Variants in PLCG2 observed in about 807,000 individuals in gnomAD.
The protein encoded by PLCG2 is phospholipase C gamma 2.
A neutral mutation model predicts 175.6 loss-of-function variants in PLCG2; 69 were observed. The observed-to-expected ratio is 0.39, with a 90% CI of 0.32 to 0.48. The LOEUF (loss-of-function observed/expected upper bound fraction) is 0.48, where lower values mean the gene tolerates loss of function less well. Among genes scored for constraint, PLCG2 ranks in the 20% least tolerant of loss-of-function variants. The pLI, the probability that PLCG2 is intolerant of heterozygous loss-of-function variation, is 0.91. For synonymous variants in PLCG2, 827 were observed against 624.0 expected, an observed-to-expected ratio of 1.33 and a Z score of -4.85; for missense variants, 1,798 against 1,650.9, an observed-to-expected ratio of 1.09 and a Z score of -1.54.
intron 10 of PLCG2, among the ~76,000 whole-genome samples, chr16:81,889,764 CGTGCCTCAGCCTCCCGAGTAGCT>C (rs1217792664): frequency 2.0e-5 from 3 of 152,130 alleles, no homozygotes; most frequent in African/African-American, 7.2e-5. Context: ...AAGTGATTCT[CGTGCCTCAGCCTCCCGAGTAGCT>C]GGGATTATAG....
chr16:81,836,144 A>C (rs1396596090), intron 2 of PLCG2, among the ~76,000 whole-genome samples: 1 of 152,186 alleles, frequency 6.6e-6, no homozygotes, highest in Non-Finnish European at 1.5e-5. Flanking sequence ...TTTCATCCTG[A>C]ATTGGTGTCA....
intron 32 of PLCG2, among the ~76,000 whole-genome samples, 161 bp from the exon 33 acceptor site, chr16:81,957,795 A>T (rs919439953): frequency 6.6e-6 from 1 of 152,076 alleles, no homozygotes; most frequent in South Asian, 2.1e-4. Flanking sequence ...CTGAGTCTCA[A>T]CGTCTTACCA....
chr16:81,880,207 C>G (rs549020371), intron 7 of PLCG2, among the ~76,000 whole-genome samples: 35 of 152,296 alleles, frequency 2.3e-4, no homozygotes, highest in African/African-American at 8.4e-4. Context: ...TGCCACTGCA[C>G]TCCAGCCTGG....
At chr16:81,945,146 C>G (rs555011871) in intron 30 of PLCG2, among the ~76,000 whole-genome samples, 2 of 151,974 alleles carry the variant, frequency 1.3e-5, no homozygotes. Context: ...TCATAAGCAG[C>G]GGAAAGTGAG....
At chr16:81,954,166 G>C (rs994000602) in intron 31 of PLCG2, among the ~76,000 whole-genome samples, 2 of 151,746 alleles carry the variant, frequency 1.3e-5, no homozygotes, top group Non-Finnish European at 2.9e-5. Context: ...GGGAGTACAG[G>C]GTATGCCACC....
At chr16:81,873,957 A>C (rs1032469451) in intron 7 of PLCG2, among the ~76,000 whole-genome samples, 2 of 152,120 alleles carry the variant, frequency 1.3e-5, no homozygotes, top group Non-Finnish European at 2.9e-5. Context: ...GAGAAACATA[A>C]ATTGGAATCA....
chr16:81,783,228 G>A (rs1597315786), intron 1 of PLCG2: 1 of 450,960 alleles, frequency 2.2e-6, no homozygotes, highest in Admixed American at 2.4e-5. Flanking sequence ...TGCATGGCTG[G>A]GAACAGTCAA....
intron 2 of PLCG2, among the ~76,000 whole-genome samples, chr16:81,762,567 T>A (rs1259760973): frequency 4.0e-5 from 6 of 148,150 alleles, no homozygotes; most frequent in African/African-American, 1.5e-4. Flanking sequence ...AGACTCCGTC[T>A]CAAAAAAAAA....
At chr16:81,901,958 G>T (rs930565417) in intron 14 of PLCG2, among the ~76,000 whole-genome samples, 3 of 152,312 alleles carry the variant, frequency 2.0e-5, no homozygotes, top group African/African-American at 7.2e-5. Flanking sequence ...TTTTGAAGGA[G>T]CTCATTACAC....
chr16:81,916,297 G>A (rs201333148), intron 19 of PLCG2, among the ~76,000 whole-genome samples: 1 of 149,806 alleles, frequency 6.7e-6, no homozygotes, highest in African/African-American at 2.4e-5. Context: ...TTTAAAAAAA[G>A]AAAAAAAACA....
chr16:81,765,630 C>CAATA (rs754672203), intron 2 of PLCG2, among the ~76,000 whole-genome samples: 3 of 42,652 alleles, frequency 7.0e-5, no homozygotes, highest in East Asian at 4.8e-4. Flanking sequence ...GACTCGGTCT[C>CAATA]AATAAATAAA....
chr16:81,788,637 G>A (rs1474524687), intron 2 of PLCG2, among the ~76,000 whole-genome samples: 1 of 152,162 alleles, frequency 6.6e-6, no homozygotes, highest in African/African-American at 2.4e-5. Flanking sequence ...TGCTGAACTT[G>A]GCCATCCACA....
chr16:81,890,288 C>G (rs1374808173), intron 10 of PLCG2, among the ~76,000 whole-genome samples: 1 of 152,096 alleles, frequency 6.6e-6, no homozygotes, highest in African/African-American at 2.4e-5. Context: ...CTTAGCTTTA[C>G]AAAGGCAGTT....
chr16:81,769,620 C>T (rs1910229868), intron 2 of PLCG2, among the ~76,000 whole-genome samples: 1 of 151,590 alleles, frequency 6.6e-6, no homozygotes, highest in Non-Finnish European at 1.5e-5. Flanking sequence ...CGAGACCATC[C>T]CGGCTAAAAA....
At chr16:81,787,055 C>T (rs959944694) in intron 2 of PLCG2, among the ~76,000 whole-genome samples, 5 of 152,100 alleles carry the variant, frequency 3.3e-5, no homozygotes, top group South Asian at 2.1e-4. Flanking sequence ...ATGATGTTGG[C>T]GGTGGTTTCT....
At chr16:81,823,857 C>T (rs932173289) in intron 2 of PLCG2, among the ~76,000 whole-genome samples, 2 of 151,608 alleles carry the variant, frequency 1.3e-5, no homozygotes, top group African/African-American at 2.4e-5. Context: ...TTTTTTCCTT[C>T]CTTCTTTTCT....
chr16:81,829,946 C>G (rs895842258), intron 2 of PLCG2, among the ~76,000 whole-genome samples: 3 of 150,954 alleles, frequency 2.0e-5, no homozygotes, highest in Non-Finnish European at 3.0e-5. Flanking sequence ...GGTGGCATCC[C>G]CACTAGGTGC....
chr16:81,919,533 T>C lies in PLCG2; in HGVS notation c.2104T>C (p.Phe702Leu), dbSNP rs746663346. The stretch of plus-strand genomic sequence containing the variant: ...TCGCATCAACCGGGACGGCCGGCAC[T>C]TTGTGCTGGGGACCTCCGCCTATTT... ...HCRINRDGRH[F>L]VLGTSAYFES... Residue 702 changes from phenylalanine (F) to leucine (L), a missense_variant, in exon 20 of 33, where the codon TTT (phenylalanine) becomes CTT (leucine). Phe to Leu is a conservative substitution (Grantham distance 22). Coordinates refer to ENST00000564138, the MANE Select transcript of PLCG2 (RefSeq NM_002661.5). 3.7e-6 allele frequency: 6 copies of C among 1,614,036 alleles called. No individual in the cohort carries two copies. The highest frequency in any genetic ancestry group is 5.1e-6 in the Non-Finnish European group (6 of 1,180,032).
At chr16:81,878,040 G>C (rs1450189286) in intron 7 of PLCG2, among the ~76,000 whole-genome samples, 1 of 131,950 alleles carries the variant, frequency 7.6e-6, no homozygotes, top group Non-Finnish European at 1.5e-5. Context: ...GGAGTGTAGT[G>C]GCGCCATCTC....
Sources: gnomAD v4.1 joint callset for allele counts (sites outside exome capture counted in the v4.1 genomes callset) on GRCh38, gnomAD v4.1.1 for gene constraint, MANE v1.5 for transcripts, NCBI Gene and HGNC (gene_info 2026-07-23, HGNC 2026-07-21) for gene names.